The following COL19A1 variants were observed in gnomAD, a reference collection of about 807,000 sequenced individuals.
The protein encoded by COL19A1 is collagen alpha-1(XIX) chain.
COL19A1 carries 159 observed loss-of-function variants against 190.2 expected under a neutral mutation model. That is an observed-to-expected ratio of 0.84 (90% CI 0.73 to 0.95). COL19A1 has a LOEUF of 0.95. Among genes scored for constraint, COL19A1 ranks in the 40% least tolerant of loss-of-function variants. COL19A1 has a pLI of 0.00. For synonymous variants in COL19A1, 509 were observed against 458.9 expected (o/e 1.11, Z -1.39); for missense variants, 1,418 against 1,431.9 (o/e 0.99, Z 0.16).
chr6:70,099,769 A>G (rs988425637), intron 15 of COL19A1, among the ~76,000 whole-genome samples: 10 of 152,216 alleles, frequency 6.6e-5, no homozygotes, highest in African/African-American at 2.4e-4. Flanking sequence ...GTGTGCACAC[A>G]ATATGTTCCA....
intron 11 of COL19A1, among the ~76,000 whole-genome samples, chr6:70,007,441 T>C (rs1777701649): frequency 6.6e-6 from 1 of 151,964 alleles, no homozygotes; most frequent in African/African-American, 2.4e-5. Context: ...TATAATAGTA[T>C]TACACAGACT....
At chr6:69,960,279 A>G (rs1297214778) in intron 10 of COL19A1, among the ~76,000 whole-genome samples, 1 of 152,314 alleles carries the variant, frequency 6.6e-6, no homozygotes, top group East Asian at 1.9e-4. Flanking sequence ...ACTAAATGGT[A>G]GTAGTGCTTT....
intron 42 of COL19A1, among the ~76,000 whole-genome samples, chr6:70,179,907 G>A (rs764209763): frequency 1.3e-5 from 2 of 151,980 alleles, no homozygotes; most frequent in Non-Finnish European, 2.9e-5. Context: ...TATTGAGATG[G>A]AGTCTCACTC....
At chr6:69,938,412 C>T (rs138912573) in intron 9 of COL19A1, among the ~76,000 whole-genome samples, 2 of 152,190 alleles carry the variant, frequency 1.3e-5, no homozygotes, top group African/African-American at 4.8e-5. Flanking sequence ...CTTTAGCATT[C>T]CCTTCCCCAA....
At chr6:69,927,308 A>C (rs1484940245) in intron 4 of COL19A1, among the ~76,000 whole-genome samples, 17 of 152,194 alleles carry the variant, frequency 1.1e-4, no homozygotes, top group Admixed American at 1.1e-3. Context: ...AATATTAGAA[A>C]TCTTCATTGA....
chr6:69,874,638 C>G (rs942830311), intron 1 of COL19A1, among the ~76,000 whole-genome samples: 1 of 152,052 alleles, frequency 6.6e-6, no homozygotes, highest in Admixed American at 6.6e-5. Flanking sequence ...GTAGTCCCAG[C>G]TACTTGGGAG....
At chr6:70,017,336 C>G (rs1475779023) in intron 11 of COL19A1, among the ~76,000 whole-genome samples, 1 of 152,078 alleles carries the variant, frequency 6.6e-6, no homozygotes, top group Non-Finnish European at 1.5e-5. Context: ...GAGTGAGAAG[C>G]AGTTGACTAC....
Position 70,149,836 on chromosome 6 carries a change from T to C in COL19A1, c.1930-15T>C, listed in dbSNP as rs749918457. On this transcript the variant is annotated splice_polypyrimidine_tract_variant and intron_variant, in intron 28 of 50. Transcript: ENST00000620364. ...ATCCTCATAAGTAACTGTTTTTATT[T>C]CCCTCCTTTTCCAGGGTCCTCGAGG... 6.2e-7 allele frequency: 1 copy of C among 1,613,660 alleles called. No homozygotes were observed. Among genetic ancestry groups the C allele is most frequent in the Non-Finnish European group, 8.5e-7 (1 of 1,179,774 alleles).
chr6:70,187,456 ATGTCC>A (rs1766603052), intron 46 of COL19A1, among the ~76,000 whole-genome samples: 4,547 of 121,988 alleles, frequency 0.037, 740 homozygotes, highest in African/African-American at 0.13. Context: ...GAGATTTTGA[ATGTCC>A]TAAAGTTTTT....
chr6:70,199,657 G>GT lies in COL19A1; in HGVS notation c.3144_3145insT (p.Ala1049CysfsTer37). 2 of 1,608,074 alleles carry GT rather than the reference G, an allele frequency of 1.2e-6. No individual in the cohort carries two copies. The highest frequency in any genetic ancestry group is 1.7e-6 in the Non-Finnish European group (2 of 1,176,430). ...AGCTCAAGCTGCCAGCAGCAATGTT[G>GT]GCTGCCCAAGCTTATGGGAGACCTG... On this transcript the variant is annotated frameshift_variant, in exon 49 of 51. Transcript: ENST00000620364. LOFTEE classifies it high-confidence loss of function.
intron 14 of COL19A1, among the ~76,000 whole-genome samples, chr6:70,055,796 A>T (rs35323737): frequency 0.066 from 9,943 of 150,466 alleles, 388 homozygotes; most frequent in Middle Eastern, 0.095. Flanking sequence ...AAAAAAAAAA[A>T]AAAAAAAAAT....
intron 2 of COL19A1, among the ~76,000 whole-genome samples, chr6:69,885,683 A>G (rs1425914989): frequency 6.6e-6 from 1 of 152,036 alleles, no homozygotes; most frequent in African/African-American, 2.4e-5. Context: ...ATCTCTGTGT[A>G]TTTAAGCTCT....
intron 1 of COL19A1, among the ~76,000 whole-genome samples, chr6:69,867,191 G>A (rs952813035): frequency 6.6e-6 from 1 of 151,550 alleles, no homozygotes; most frequent in Admixed American, 6.6e-5. Flanking sequence ...GGTGCCCTCC[G>A]GCCCGGGGTT....
At chr6:70,115,820 G>GTTT (rs1562188351) in intron 16 of COL19A1, among the ~76,000 whole-genome samples, 32 of 78,670 alleles carry the variant, frequency 4.1e-4, no homozygotes, top group African/African-American at 1.2e-3. Context: ...GTTTTTTGGT[G>GTTT]TTTTGTTTTT....
intron 12 of COL19A1, among the ~76,000 whole-genome samples, chr6:70,024,088 C>G (rs1200630581): frequency 6.6e-6 from 1 of 152,008 alleles, no homozygotes. Flanking sequence ...GAAGAAAGGG[C>G]GAAGTGAAGG....
At chr6:70,131,722 A>C (rs1016101672) in intron 18 of COL19A1, among the ~76,000 whole-genome samples, 3 of 152,250 alleles carry the variant, frequency 2.0e-5, no homozygotes, top group Admixed American at 2.0e-4. Context: ...ACAGCTGAGC[A>C]AAGAAGAGTG....
At chr6:70,109,416 A>G (rs1382286256) in intron 16 of COL19A1, among the ~76,000 whole-genome samples, 3 of 152,250 alleles carry the variant, frequency 2.0e-5, no homozygotes, top group African/African-American at 7.2e-5. Context: ...GAATAGTGCC[A>G]GAAAAGATTT....
chr6:69,959,947 T>C (rs763153019), intron 9 of COL19A1, 49 bp from the exon 10 acceptor site: 1 of 1,565,062 alleles, frequency 6.4e-7, no homozygotes, highest in South Asian at 1.2e-5. Flanking sequence ...AACGTCTATG[T>C]TCATATATCT....
intron 48 of COL19A1, 38 bp downstream of exon 48, chr6:70,190,419 G>T: frequency 7.5e-7 from 1 of 1,326,648 alleles, no homozygotes; most frequent in South Asian, 1.2e-5. Context: ...ATTTTTCACT[G>T]ATTCCCACCT....
Sources: allele counts gnomAD v4.1 joint callset (sites outside exome capture counted in the v4.1 genomes callset), GRCh38; gene constraint gnomAD v4.1.1; transcripts MANE v1.5; gene names NCBI Gene and HGNC (gene_info 2026-07-23, HGNC 2026-07-21).